MED23: variants seen among roughly 807,000 people sequenced by gnomAD.
MED23 encodes mediator of RNA polymerase II transcription subunit 23.
MED23 carries 105 observed loss-of-function variants against 163.9 expected under a neutral mutation model. The ratio of observed to expected loss-of-function variants is 0.64; its 90% CI spans 0.55 to 0.75. The LOEUF is 0.75. Among genes scored for constraint, MED23 ranks in the 30% least tolerant of loss-of-function variants. The probability of loss-of-function intolerance (pLI) is 0.00; values close to 1 mark genes in which losing one functional copy is unlikely to be tolerated. For missense variants in MED23, 1,054 were observed against 1,649.0 expected, an observed-to-expected ratio of 0.64 and a Z score of 6.25; for synonymous variants, 561 against 565.6, an observed-to-expected ratio of 0.99 and a Z score of 0.12.
intron 8 of MED23, 78 bp from the exon 9 acceptor site, chr6:131,618,597 C>G: frequency 1.1e-6 from 1 of 949,608 alleles, no homozygotes; most frequent in Non-Finnish European, 1.7e-6. Context: ...ATTTAATGAA[C>G]ATATATGCTG....
At chr6:131,599,106 C>T (rs535839824) in intron 18 of MED23, among the ~76,000 whole-genome samples, 11 of 152,318 alleles carry the variant, frequency 7.2e-5, no homozygotes, top group Admixed American at 5.2e-4. Flanking sequence ...TGAGGAAAAT[C>T]CATTGCACTA....
At chr6:131,605,038 C>T (rs908867150) in intron 14 of MED23, among the ~76,000 whole-genome samples, 5 of 152,054 alleles carry the variant, frequency 3.3e-5, no homozygotes, top group African/African-American at 1.2e-4. Context: ...GTAGAGATTA[C>T]AACAATTACT....
At chr6:131,592,280 G>C in intron 25 of MED23, 108 bp downstream of exon 25, 2 of 906,892 alleles carry the variant, frequency 2.2e-6, no homozygotes, top group South Asian at 2.8e-5. Flanking sequence ...TCATTAATTT[G>C]CATGACGTCC....
intron 22 of MED23, 94 bp from the exon 23 acceptor site, chr6:131,594,429 C>T: frequency 1.0e-6 from 1 of 957,528 alleles, no homozygotes; most frequent in East Asian, 2.4e-5. Context: ...TGAAAAACAG[C>T]TCAGAAGATT....
intron 30 of MED23, among the ~76,000 whole-genome samples, chr6:131,577,405 G>T (rs1039599031): frequency 6.6e-6 from 1 of 152,120 alleles, no homozygotes; most frequent in Non-Finnish European, 1.5e-5. Context: ...TGGGTGCAGA[G>T]AAGTACAACT....
chr6:131,574,246 G>GT, exon 31 of MED23: 1 of 1,612,330 alleles, frequency 6.2e-7, no homozygotes, highest in Non-Finnish European at 8.5e-7. Flanking sequence ...TCTGGGCAGC[G>GT]TTTTGCTTCC....
rs1223174535 is a variant in MED23 at position 131,587,769 on chromosome 6, C to T, written c.4017G>A (p.Glu1339=). 1 of 1,613,982 alleles carries T rather than the reference C, an allele frequency of 6.2e-7. No individual in the cohort carries two copies. Among genetic ancestry groups the T allele is most frequent in the Non-Finnish European group, 8.5e-7 (1 of 1,180,004 alleles). The stretch of plus-strand genomic sequence containing the variant: ...TGGCTTGTGGAGGCACTGCAGCTGG[C>T]TCCATCTTGCTAATGTGTGTGATGA... The part of the protein sequence containing the change: ...LRFITHISKM[E]PAAVPPQAMN... Residue 1339 remains glutamate (E), a synonymous_variant, in exon 29 of 29, where the codon GAG becomes GAA. Transcript: ENST00000368068.
intron 30 of MED23, among the ~76,000 whole-genome samples, chr6:131,577,459 T>G (rs573845720): frequency 1.3e-5 from 2 of 152,288 alleles, no homozygotes; most frequent in South Asian, 4.1e-4. Context: ...TGTTTTCATT[T>G]CTCTTGGGTA....
intron 8 of MED23, among the ~76,000 whole-genome samples, 196 bp downstream of exon 8, chr6:131,619,631 G>A (rs546667866): frequency 6.6e-6 from 1 of 152,142 alleles, no homozygotes; most frequent in South Asian, 2.1e-4. Flanking sequence ...CCATTCCAGA[G>A]AGTTTCTTTT....
intron 9 of MED23, 35 bp from the exon 10 acceptor site, chr6:131,616,037 T>C (rs1308808755): frequency 6.6e-7 from 1 of 1,507,668 alleles, no homozygotes; most frequent in South Asian, 1.1e-5. Context: ...TGCTTCAAGA[T>C]CAATGTCAAC....
chr6:131,618,390 T>A lies in MED23; in HGVS notation c.780+17A>T. The A allele has an allele frequency of 1.3e-6, 2 of 1,552,692 alleles. No homozygotes were observed. Among genetic ancestry groups the A allele is most frequent in the South Asian group, 2.2e-5 (2 of 89,672 alleles). ...CTGTCAGATGGACTAAAAGTGCCAT[T>A]ATATTTAGCAACATACCTTATCATA... On this transcript the variant is annotated intron_variant, in intron 9 of 28. Coordinates refer to ENST00000368068, the MANE Select transcript of MED23 (RefSeq NM_004830.4).
intron 30 of MED23, chr6:131,581,500 T>C (rs561540722): frequency 8.3e-7 from 1 of 1,203,936 alleles, no homozygotes; most frequent in Non-Finnish European, 1.2e-6. Context: ...TCATTTTCTC[T>C]GCAGCCAATA....
At position 131,610,041 on chromosome 6, in the gene MED23, C is replaced by T. The variant is rs765447949; in HGVS notation, c.1077+5G>A. On this transcript the variant is annotated splice_donor_5th_base_variant and intron_variant, in intron 11 of 28. Transcript: ENST00000368068. Reference sequence around the variant, plus strand: ...GTCACTCCGACCATAAGATTTAGTACATACCTTCTGATGAAGAGAAAGCAC... The same window carrying T: ...GTCACTCCGACCATAAGATTTAGTATATACCTTCTGATGAAGAGAAAGCAC... The T allele has an allele frequency of 1.6e-5, 25 of 1,612,408 alleles. No individual in the cohort carries two copies. In the Admixed American group the frequency reaches 3.7e-4, roughly 24 times the overall value.
At chr6:131,592,616 T>C (rs942087943) in intron 24 of MED23, 156 bp from the exon 25 acceptor site, 22 of 691,590 alleles carry the variant, frequency 3.2e-5, no homozygotes, top group Middle Eastern at 3.5e-4. Context: ...AATAAAAATG[T>C]AATATGCATA....
intron 30 of MED23, chr6:131,579,313 A>C (rs983224088): frequency 6.2e-7 from 1 of 1,611,944 alleles, no homozygotes; most frequent in African/African-American, 1.3e-5. Flanking sequence ...TGTCTATGGG[A>C]ATCTGGCACA....
chr6:131,580,650 T>C (rs1773872347), intron 30 of MED23, among the ~76,000 whole-genome samples: 1 of 152,146 alleles, frequency 6.6e-6, no homozygotes, highest in Admixed American at 6.6e-5. Flanking sequence ...CCTGGTTGAG[T>C]GGGTAACTAG....
rs900244206 is a variant in MED23, at chr6:131,620,646, T to C, written c.579A>G (p.Glu193=). Residue 193 remains glutamate, a synonymous_variant, in exon 7 of 29, where the codon GAA becomes GAG. Coordinates refer to ENST00000368068, the MANE Select transcript of MED23 (RefSeq NM_004830.4). ...AVTEIRKLYP[E]GKLPHWLLGN... Reference sequence around the variant, plus strand: ...AATTTACCCAGTGTGGAAGTTTGCCTTCAGGATACAGTTTCCTGATCTCAG... The same window carrying C: ...AATTTACCCAGTGTGGAAGTTTGCCCTCAGGATACAGTTTCCTGATCTCAG... 1 of 1,611,940 alleles carries C rather than the reference T, an allele frequency of 6.2e-7. No homozygotes were observed. Among genetic ancestry groups the C allele is most frequent in the Middle Eastern group, 1.7e-4 (1 of 5,810 alleles).
chr6:131,623,317 A>G, intron 5 of MED23, 34 bp downstream of exon 5: 1 of 1,531,024 alleles, frequency 6.5e-7, no homozygotes, highest in South Asian at 1.1e-5. Flanking sequence ...ATCATATCTG[A>G]AAGCAATCAC....
At chr6:131,613,636 C>T (rs960293539) in intron 10 of MED23, among the ~76,000 whole-genome samples, 3 of 152,162 alleles carry the variant, frequency 2.0e-5, no homozygotes, top group Admixed American at 2.0e-4. Context: ...TCTGTCTACA[C>T]ATCCCCTAAC....
Sources: allele counts gnomAD v4.1 joint callset (sites outside exome capture counted in the v4.1 genomes callset), GRCh38; gene constraint gnomAD v4.1.1; transcripts MANE v1.5; gene names NCBI Gene and HGNC (gene_info 2026-07-23, HGNC 2026-07-21).